CPNE4: variants seen among roughly 807,000 people sequenced by gnomAD.
CPNE4 encodes copine-4.
Under a neutral mutation model 67.9 loss-of-function variants are expected in CPNE4, and 25 were observed. That is an observed-to-expected ratio of 0.37 (90% CI 0.27 to 0.51). The LOEUF is 0.51. CPNE4 is among the 20% of genes least tolerant of loss of function. CPNE4 has a pLI of 0.93. For missense variants in CPNE4, 464 were observed against 690.8 expected (o/e 0.67, Z 3.68); for synonymous variants, 242 against 244.9 (o/e 0.99, Z 0.11).
intron 1 of CPNE4, among the ~76,000 whole-genome samples, chr3:131,912,357 C>G (rs1224997): frequency 1.4e-3 from 213 of 151,956 alleles, no homozygotes; most frequent in African/African-American, 4.9e-3. Flanking sequence ...GGGGAACCAA[C>G]TGAGCAGAGC....
chr3:131,706,924 A>G (rs2081427912), intron 3 of CPNE4, among the ~76,000 whole-genome samples: 1 of 152,108 alleles, frequency 6.6e-6, no homozygotes, highest in African/African-American at 2.4e-5. Context: ...ACCTTTCCAG[A>G]CTGAACCGAT....
intron 1 of CPNE4, among the ~76,000 whole-genome samples, chr3:131,923,863 G>C (rs977338116): frequency 1.3e-5 from 2 of 151,836 alleles, no homozygotes; most frequent in Non-Finnish European, 2.9e-5. Flanking sequence ...CCACCCCAAG[G>C]TTTTCTTTCT....
intron 1 of CPNE4, among the ~76,000 whole-genome samples, chr3:131,931,167 C>G (rs2071048252): frequency 6.6e-6 from 1 of 152,122 alleles, no homozygotes; most frequent in Admixed American, 6.5e-5. Flanking sequence ...ACTTGCTCTC[C>G]CGATTAGACT....
At chr3:131,730,995 T>C (rs1432916448) in intron 2 of CPNE4, among the ~76,000 whole-genome samples, 2 of 152,212 alleles carry the variant, frequency 1.3e-5, no homozygotes, top group African/African-American at 4.8e-5. Flanking sequence ...TTAATGGATA[T>C]ATCTCCAAAA....
At chr3:131,550,569 G>A (rs1302144368) in intron 13 of CPNE4, among the ~76,000 whole-genome samples, 1 of 152,034 alleles carries the variant, frequency 6.6e-6, no homozygotes, top group Non-Finnish European at 1.5e-5. Flanking sequence ...GACTCTAGTA[G>A]ATACTACCCG....
intron 7 of CPNE4, among the ~76,000 whole-genome samples, chr3:131,666,739 C>T (rs1204996167): frequency 6.6e-6 from 1 of 152,066 alleles, no homozygotes; most frequent in Non-Finnish European, 1.5e-5. Context: ...ATAGGAAACA[C>T]AGAATGTGAG....
intron 1 of CPNE4, among the ~76,000 whole-genome samples, chr3:132,010,854 G>C (rs1213475697): frequency 1.3e-5 from 2 of 152,108 alleles, no homozygotes. Flanking sequence ...GGGAACTCAA[G>C]AGCTCCCTTT....
intron 2 of CPNE4, among the ~76,000 whole-genome samples, chr3:131,865,658 C>T (rs1323675259): frequency 6.6e-6 from 1 of 152,156 alleles, no homozygotes; most frequent in East Asian, 1.9e-4. Flanking sequence ...ACCTCCACCA[C>T]CAACAAACAA....
At chr3:132,033,919 C>T (rs1006565100) in intron 1 of CPNE4, among the ~76,000 whole-genome samples, 3 of 152,220 alleles carry the variant, frequency 2.0e-5, no homozygotes, top group African/African-American at 7.2e-5. Context: ...CAGTCCCGTC[C>T]CCTGTCCCCG....
chr3:132,012,633 G>C lies in CPNE4; in HGVS notation c.-2+21934C>G, dbSNP rs79388370. Among the ~76,000 whole-genome samples, 654 of 152,234 alleles carry C rather than the reference G, an allele frequency of 4.3e-3. 8 individuals carry two copies. Among genetic ancestry groups the C allele is most frequent in the African/African-American group, 0.015 (631 of 41,536 alleles). ...CTCCTGGGCAAATAGAAATTAGCAGGTAAGATGGCAATGGTGGGAAGTCCT... is the reference window on the plus strand; with the variant it reads ...CTCCTGGGCAAATAGAAATTAGCAGCTAAGATGGCAATGGTGGGAAGTCCT... On this transcript the variant is annotated intron_variant, in intron 1 of 15. Coordinates refer to ENST00000429747, the MANE Select transcript of CPNE4 (RefSeq NM_130808.3).
At chr3:131,911,172 G>A (rs376160097) in intron 1 of CPNE4, among the ~76,000 whole-genome samples, 3 of 152,246 alleles carry the variant, frequency 2.0e-5, no homozygotes, top group East Asian at 1.9e-4. Flanking sequence ...TCTCTCCCTT[G>A]TTGGCTTTAA....
chr3:132,033,405 CTGTGTG>C (rs59853721), intron 1 of CPNE4, among the ~76,000 whole-genome samples: 189 of 150,764 alleles, frequency 1.3e-3, no homozygotes, highest in Middle Eastern at 6.9e-3. Flanking sequence ...GTGTGTGTGT[CTGTGTG>C]TGTGTGTGTG....
rs114600900 is a variant in CPNE4, at chr3:131,688,371, G to A, written c.508-2413C>T. ...ATCATAATCTTGCCCTTCAAACATC[G>A]TCTCTCCCCCAAAATGGCCCATTTC... On this transcript the variant is annotated intron_variant, in intron 5 of 15. Coordinates refer to ENST00000429747, the MANE Select transcript of CPNE4 (RefSeq NM_130808.3). Among the ~76,000 whole-genome samples, 995 of 152,120 alleles carry A rather than the reference G, an allele frequency of 6.5e-3. 6 individuals carry two copies. Among genetic ancestry groups the A allele is most frequent in the Non-Finnish European group, 0.011 (739 of 68,014 alleles).
intron 2 of CPNE4, among the ~76,000 whole-genome samples, chr3:131,901,271 A>G (rs2088541596): frequency 6.6e-6 from 1 of 152,128 alleles, no homozygotes; most frequent in African/African-American, 2.4e-5. Context: ...CTCACCAGAA[A>G]GCAGGAAGAT....
At chr3:131,913,892 A>C (rs937948905) in intron 1 of CPNE4, among the ~76,000 whole-genome samples, 1 of 152,238 alleles carries the variant, frequency 6.6e-6, no homozygotes, top group African/African-American at 2.4e-5. Flanking sequence ...GTTCAGAATT[A>C]AGTGAATTAA....
intron 1 of CPNE4, among the ~76,000 whole-genome samples, chr3:132,007,732 A>C (rs1919995): frequency 0.84 from 127,401 of 152,022 alleles, 54,471 homozygotes; most frequent in Non-Finnish European, 0.93. Context: ...ATTCATCATA[A>C]ATTTATTCTA....
chr3:131,841,110 G>C (rs921017875), intron 2 of CPNE4, among the ~76,000 whole-genome samples: 1 of 152,200 alleles, frequency 6.6e-6, no homozygotes, highest in African/African-American at 2.4e-5. Flanking sequence ...GAAGAGAGGA[G>C]TTACATAGGA....
intron 11 of CPNE4, among the ~76,000 whole-genome samples, chr3:131,555,878 A>C (rs533619402): frequency 6.6e-6 from 1 of 152,204 alleles, no homozygotes; most frequent in African/African-American, 2.4e-5. Context: ...TCCTTTGAAA[A>C]GTGACCATGA....
At chr3:132,028,555 C>T (rs2074166481) in intron 1 of CPNE4, among the ~76,000 whole-genome samples, 1 of 151,942 alleles carries the variant, frequency 6.6e-6, no homozygotes, top group Non-Finnish European at 1.5e-5. Flanking sequence ...GAGAAGAGGC[C>T]CATTTAAAAA....
Sources: gnomAD v4.1 joint callset for allele counts (sites outside exome capture counted in the v4.1 genomes callset) on GRCh38, gnomAD v4.1.1 for gene constraint, MANE v1.5 for transcripts, NCBI Gene and HGNC (gene_info 2026-07-23, HGNC 2026-07-21) for gene names.